Variants in RCAN2 observed in about 807,000 individuals in gnomAD.
RCAN2 encodes regulator of calcineurin 2, also known as calcipressin-2.
In RCAN2, 9 loss-of-function variants were observed where a neutral mutation model predicts 23.6. That is an observed-to-expected ratio of 0.38 (90% CI 0.23 to 0.67). The LOEUF is 0.67. Ranked by LOEUF, RCAN2 falls within the 30% of genes least tolerant of loss-of-function variation. The pLI, the probability that RCAN2 is intolerant of heterozygous loss-of-function variation, is 0.51. For synonymous variants in RCAN2, 109 were observed against 115.7 expected, an observed-to-expected ratio of 0.94 and a Z score of 0.37; for missense variants, 273 against 302.3, an observed-to-expected ratio of 0.90 and a Z score of 0.72.
intron 2 of RCAN2, among the ~76,000 whole-genome samples, chr6:46,406,574 G>C (rs1766413074): frequency 6.6e-6 from 1 of 152,116 alleles, no homozygotes; most frequent in African/African-American, 2.4e-5. Flanking sequence ...TTGAATTTTA[G>C]GGCAATTAAA....
At chr6:46,273,287 A>T (rs186018297) in intron 2 of RCAN2, among the ~76,000 whole-genome samples, 81 of 152,348 alleles carry the variant, frequency 5.3e-4, no homozygotes, top group African/African-American at 1.9e-3. Flanking sequence ...GAGGGCACAG[A>T]ATTCACAATT....
At chr6:46,469,425 T>C (rs1768490623) in intron 1 of RCAN2, among the ~76,000 whole-genome samples, 1 of 152,122 alleles carries the variant, frequency 6.6e-6, no homozygotes, top group African/African-American at 2.4e-5. Flanking sequence ...AGCTGATCAG[T>C]GGCTAGGGCT....
intron 2 of RCAN2, among the ~76,000 whole-genome samples, chr6:46,262,856 C>T (rs1175903944): frequency 6.6e-6 from 1 of 152,176 alleles, no homozygotes; most frequent in Non-Finnish European, 1.5e-5. Flanking sequence ...GCCCTTTCTT[C>T]CGCCAGTAAC....
chr6:46,350,178 A>C (rs1449842678), intron 2 of RCAN2, among the ~76,000 whole-genome samples: 4 of 152,206 alleles, frequency 2.6e-5, no homozygotes, highest in African/African-American at 9.7e-5. Context: ...CAACTACAAA[A>C]AATTATGGCT....
intron 2 of RCAN2, chr6:46,325,641 C>T (rs1763772915): frequency 1.4e-6 from 2 of 1,422,932 alleles, no homozygotes; most frequent in South Asian, 3.1e-5. Flanking sequence ...TGCACGCAGC[C>T]CTCCGCGTCT....
intron 2 of RCAN2, among the ~76,000 whole-genome samples, chr6:46,416,760 G>A (rs773456312): frequency 2.0e-5 from 3 of 151,986 alleles, no homozygotes; most frequent in Admixed American, 1.3e-4. Flanking sequence ...GGGCTCAAGC[G>A]ATCCGCCCAC....
intron 2 of RCAN2, among the ~76,000 whole-genome samples, chr6:46,418,085 T>C: frequency 6.6e-6 from 1 of 152,216 alleles, no homozygotes; most frequent in East Asian, 1.9e-4. Context: ...GAGATTATTA[T>C]CACTATCCTT....
chr6:46,486,875 G>A (rs1327873576), intron 1 of RCAN2, among the ~76,000 whole-genome samples: 1 of 152,088 alleles, frequency 6.6e-6, no homozygotes, highest in African/African-American at 2.4e-5. Context: ...TACCATTCAT[G>A]GTCACTCACT....
chr6:46,418,759 A>G (rs982094363), intron 2 of RCAN2, among the ~76,000 whole-genome samples: 10 of 148,654 alleles, frequency 6.7e-5, no homozygotes, highest in Admixed American at 2.0e-4. Context: ...ATTAAGACAG[A>G]AATAATAAAT....
chr6:46,454,803 A>C (rs1016499098), intron 2 of RCAN2, among the ~76,000 whole-genome samples: 1 of 152,228 alleles, frequency 6.6e-6, no homozygotes, highest in Non-Finnish European at 1.5e-5. Context: ...TCCTTTATTC[A>C]ATCACAAATC....
At chr6:46,390,151 A>G (rs561767288) in intron 2 of RCAN2, among the ~76,000 whole-genome samples, 1 of 152,306 alleles carries the variant, frequency 6.6e-6, no homozygotes, top group South Asian at 2.1e-4. Context: ...TCACAGGAAA[A>G]CAAGGGGAAA....
At chr6:46,462,280 T>C (rs953774440) in intron 1 of RCAN2, among the ~76,000 whole-genome samples, 81 of 152,106 alleles carry the variant, frequency 5.3e-4, no homozygotes, top group African/African-American at 1.9e-3. Flanking sequence ...CAAACAACCT[T>C]TTCCCCCCAG....
At chr6:46,485,069 C>G (rs1013664000) in intron 1 of RCAN2, among the ~76,000 whole-genome samples, 50 of 152,104 alleles carry the variant, frequency 3.3e-4, no homozygotes, top group African/African-American at 1.1e-3. Context: ...CTGTTTGAGC[C>G]AATAGTCCCA....
chr6:46,331,043 G>C (rs1763952240), intron 2 of RCAN2, among the ~76,000 whole-genome samples: 1 of 152,136 alleles, frequency 6.6e-6, no homozygotes, highest in African/African-American at 2.4e-5. Flanking sequence ...CATTTATTAG[G>C]ATTTACACAA....
At chr6:46,281,738 A>T (rs376875810) in intron 2 of RCAN2, among the ~76,000 whole-genome samples, 2 of 152,312 alleles carry the variant, frequency 1.3e-5, no homozygotes, top group African/African-American at 4.8e-5. Context: ...CCATATGTTG[A>T]ACAGTTACTA....
intron 2 of RCAN2, among the ~76,000 whole-genome samples, chr6:46,360,004 T>C (rs1764955799): frequency 1.3e-5 from 2 of 152,184 alleles, no homozygotes; most frequent in African/African-American, 4.8e-5. Flanking sequence ...AAATCCTGTC[T>C]TTTTGTTCTA....
At chr6:46,451,247 A>T (rs750514643) in intron 2 of RCAN2, among the ~76,000 whole-genome samples, 14 of 152,066 alleles carry the variant, frequency 9.2e-5, no homozygotes, top group Non-Finnish European at 1.6e-4. Context: ...TTGAGGAGTG[A>T]TATGTTTGGC....
rs879426977 is a variant in RCAN2, at chr6:46,440,598, CTTAT to C, written c.225+16150_225+16153del. Among the ~76,000 whole-genome samples the C allele has an allele frequency of 1.6e-3, 246 of 151,874 alleles. 3 individuals carry two copies. The highest frequency in any genetic ancestry group is 5.6e-3 in the African/African-American group (231 of 41,452). On this transcript the variant is annotated intron_variant, in intron 2 of 4. Coordinates refer to ENST00000371374, the MANE Select transcript of RCAN2 (RefSeq NM_001251974.2). ...TTGAAGAGCTAATTCAGAAAAATAT[CTTAT>C]ATTACATATATACATAATTAGGTTA...
Position 46,290,616 on chromosome 6 carries a change from T to C in RCAN2, c.226-41720A>G, listed in dbSNP as rs141855408. Among the ~76,000 whole-genome samples the C allele has an allele frequency of 8.9e-3, 1,359 of 152,164 alleles. 19 individuals are homozygous for C. Among genetic ancestry groups the C allele is most frequent in the African/African-American group, 0.03 (1,244 of 41,506 alleles). On this transcript the variant is annotated intron_variant, in intron 2 of 4. Coordinates refer to ENST00000371374, the MANE Select transcript of RCAN2 (RefSeq NM_001251974.2). ...CAGTAAATCATTGTGCCTAAAATCA[T>C]AAAGAAAAATAAACCAAATGGAACA...
Sources: gnomAD v4.1 joint callset for allele counts (sites outside exome capture counted in the v4.1 genomes callset) on GRCh38, gnomAD v4.1.1 for gene constraint, MANE v1.5 for transcripts, NCBI Gene and HGNC (gene_info 2026-07-23, HGNC 2026-07-21) for gene names.